Variants in PLCH1 observed in about 807,000 individuals in gnomAD.
The protein encoded by PLCH1 is phospholipase C eta 1.
Under a neutral mutation model 126.7 loss-of-function variants are expected in PLCH1, and 60 were observed. The ratio of observed to expected loss-of-function variants is 0.47; its 90% CI spans 0.38 to 0.59. PLCH1 has a LOEUF of 0.59. Among genes scored for constraint, PLCH1 ranks in the 20% least tolerant of loss-of-function variants. The pLI is 0.00. For missense variants in PLCH1, 1,723 were observed against 2,040.0 expected, an observed-to-expected ratio of 0.84 and a Z score of 2.99; for synonymous variants, 719 against 734.9, an observed-to-expected ratio of 0.98 and a Z score of 0.35.
intron 1 of PLCH1, among the ~76,000 whole-genome samples, chr3:155,741,630 T>C (rs1247092453): frequency 1.4e-5 from 2 of 142,090 alleles, no homozygotes; most frequent in African/African-American, 5.7e-5. Flanking sequence ...AAAAGTTAAA[T>C]GTTTAAATAC....
At chr3:155,456,409 C>G (rs1017850719) in intron 21 of PLCH1, among the ~76,000 whole-genome samples, 1 of 152,030 alleles carries the variant, frequency 6.6e-6, no homozygotes, top group African/African-American at 2.4e-5. Flanking sequence ...TCAAAGCCAT[C>G]CTGGGCTGCC....
intron 2 of PLCH1, among the ~76,000 whole-genome samples, chr3:155,622,589 C>CAAAA (rs34373302): frequency 7.1e-6 from 1 of 140,444 alleles, no homozygotes. Context: ...AAATGGAAAG[C>CAAAA]AAAAAAAAAA....
chr3:155,651,364 A>T (rs1312558799), intron 2 of PLCH1, among the ~76,000 whole-genome samples: 1 of 152,198 alleles, frequency 6.6e-6, no homozygotes, highest in Non-Finnish European at 1.5e-5. Context: ...AAAACTATGC[A>T]GTTGTTTAAG....
At chr3:155,546,623 G>C (rs529455548) in intron 10 of PLCH1, among the ~76,000 whole-genome samples, 180 of 152,080 alleles carry the variant, frequency 1.2e-3, no homozygotes, top group African/African-American at 4.3e-3. Flanking sequence ...GCATCACGCT[G>C]CCTGACTTCA....
intron 2 of PLCH1, among the ~76,000 whole-genome samples, chr3:155,622,499 GC>G (rs1477517858): frequency 6.6e-6 from 1 of 152,048 alleles, no homozygotes; most frequent in Non-Finnish European, 1.5e-5. Flanking sequence ...CCATTGGTGT[GC>G]TGTATTCAGG....
intron 10 of PLCH1, among the ~76,000 whole-genome samples, chr3:155,536,474 T>C (rs994955871): frequency 6.6e-6 from 1 of 152,034 alleles, no homozygotes; most frequent in Non-Finnish European, 1.5e-5. Context: ...ACGGCATCAA[T>C]ACAAAACAAT....
intron 2 of PLCH1, among the ~76,000 whole-genome samples, chr3:155,606,147 T>C (rs1734324791): frequency 1.3e-5 from 2 of 152,240 alleles, no homozygotes; most frequent in African/African-American, 4.8e-5. Flanking sequence ...TATGCTTTTT[T>C]TTCTTCTTGA....
At chr3:155,610,948 G>C (rs1318082611) in intron 2 of PLCH1, among the ~76,000 whole-genome samples, 1 of 152,176 alleles carries the variant, frequency 6.6e-6, no homozygotes, top group Non-Finnish European at 1.5e-5. Context: ...CACCAACCAA[G>C]TATCTGCTGG....
intron 2 of PLCH1, among the ~76,000 whole-genome samples, chr3:155,631,463 C>G (rs1738012227): frequency 6.6e-6 from 1 of 152,174 alleles, no homozygotes; most frequent in East Asian, 1.9e-4. Context: ...CTCCGGCTCT[C>G]CCAGACGTGG....
intron 2 of PLCH1, among the ~76,000 whole-genome samples, chr3:155,688,991 G>C (rs943557813): frequency 6.6e-6 from 1 of 152,200 alleles, no homozygotes; most frequent in Non-Finnish European, 1.5e-5. Context: ...TGAAGGGAAG[G>C]GCCTAGGGCA....
chr3:155,623,308 G>C (rs187095299), intron 2 of PLCH1, among the ~76,000 whole-genome samples: 17 of 152,244 alleles, frequency 1.1e-4, no homozygotes, highest in Non-Finnish European at 1.8e-4. Context: ...AAGCAAGAAA[G>C]ATCTAAAATC....
intron 2 of PLCH1, among the ~76,000 whole-genome samples, chr3:155,638,129 C>G (rs184929415): frequency 3.3e-5 from 5 of 152,314 alleles, no homozygotes; most frequent in African/African-American, 9.6e-5. Context: ...CATGGCACAG[C>G]TTTCCAAATG....
chr3:155,571,435 G>T (rs565937009), intron 6 of PLCH1, among the ~76,000 whole-genome samples: 1 of 152,082 alleles, frequency 6.6e-6, no homozygotes, highest in Non-Finnish European at 1.5e-5. Flanking sequence ...TTTGGAGATG[G>T]AGTCTTGCCC....
At chr3:155,710,238 C>T (rs1328808157) in intron 1 of PLCH1, among the ~76,000 whole-genome samples, 2 of 152,116 alleles carry the variant, frequency 1.3e-5, no homozygotes, top group African/African-American at 4.8e-5. Context: ...GATCTGCCCA[C>T]CTCAGCCTCC....
intron 21 of PLCH1, among the ~76,000 whole-genome samples, chr3:155,458,699 C>A (rs1283138456): frequency 1.3e-5 from 2 of 152,144 alleles, no homozygotes; most frequent in African/African-American, 4.8e-5. Context: ...CAATGCAAGA[C>A]AAGAGATAGA....
chr3:155,729,639 T>C (rs112678837), intron 1 of PLCH1, among the ~76,000 whole-genome samples: 2 of 152,164 alleles, frequency 1.3e-5, no homozygotes, highest in African/African-American at 2.4e-5. Context: ...TATAAGGAAA[T>C]TGGGCCAGGC....
At chr3:155,658,297 TG>T in intron 2 of PLCH1, 1 of 207,694 alleles carries the variant, frequency 4.8e-6, no homozygotes. Context: ...TACTTGTGAC[TG>T]GATCTCTAGT....
intron 2 of PLCH1, among the ~76,000 whole-genome samples, 176 bp downstream of exon 2, chr3:155,703,970 C>T (rs1243333861): frequency 6.6e-6 from 1 of 152,188 alleles, no homozygotes; most frequent in African/African-American, 2.4e-5. Flanking sequence ...CCATTCCTTA[C>T]AAGTGGAGAT....
chr3:155,471,263 C>A (rs1244726214), intron 21 of PLCH1, among the ~76,000 whole-genome samples: 1 of 152,094 alleles, frequency 6.6e-6, no homozygotes, highest in Non-Finnish European at 1.5e-5. Context: ...CAAAAAAAGG[C>A]AGGGGTTGCA....
Sources: allele counts gnomAD v4.1 joint callset (sites outside exome capture counted in the v4.1 genomes callset), GRCh38; gene constraint gnomAD v4.1.1; transcripts MANE v1.5; gene names NCBI Gene and HGNC (gene_info 2026-07-23, HGNC 2026-07-21).